Variants in HNRNPDL observed in about 807,000 individuals in gnomAD.
The protein encoded by HNRNPDL is heterogeneous nuclear ribonucleoprotein D-like.
HNRNPDL carries 18 observed loss-of-function variants against 48.0 expected under a neutral mutation model. That is an observed-to-expected ratio of 0.38 (90% CI 0.26 to 0.56). The LOEUF (loss-of-function observed/expected upper bound fraction) is 0.56, where lower values mean the gene tolerates loss of function less well. Ranked by LOEUF, HNRNPDL falls within the 20% of genes least tolerant of loss-of-function variation. HNRNPDL has a pLI of 0.77. For missense variants in HNRNPDL, 553 were observed against 540.7 expected, an observed-to-expected ratio of 1.02 and a Z score of -0.23; for synonymous variants, 306 against 207.3, an observed-to-expected ratio of 1.48 and a Z score of -4.09.
chr4:82,426,193 A>G lies in HNRNPDL; in HGVS notation c.1193-64T>C, dbSNP rs1026859511. The G allele has an allele frequency of 3.2e-5, 44 of 1,354,618 alleles. 1 individual carries two copies. In the African/African-American group the frequency reaches 6.0e-4, roughly 19 times the overall value. 83.9% of individuals were successfully genotyped at this position (1,354,618 alleles called of 1,614,324 possible). A position where few individuals can be genotyped will look rare whatever the true frequency, so the allele number is the denominator to read the frequency against. ...CTACAAAACTTTCTTTACAAACACA[A>G]ACTATTAAATCTACAAATCTTTGCA... On this transcript the variant is annotated intron_variant, in intron 6 of 7. Coordinates refer to ENST00000295470, the MANE Select transcript of HNRNPDL (RefSeq NM_031372.4).
At position 82,429,904 on chromosome 4, in the gene HNRNPDL, T is replaced by A; in HGVS notation, c.-214A>T. The A allele has an allele frequency of 2.7e-6, 1 of 376,986 alleles. No homozygotes were observed. Among genetic ancestry groups the A allele is most frequent in the Non-Finnish European group, 4.7e-6 (1 of 213,120 alleles). The allele number at this position is 376,986 out of a possible 1,614,324, so 23.4% of individuals were successfully genotyped here. On this transcript the variant is annotated 5_prime_UTR_variant, in exon 1 of 8. In the 5' UTR this introduces an upstream ATG that the reference lacks. Coordinates refer to ENST00000295470, the MANE Select transcript of HNRNPDL (RefSeq NM_031372.4). ...CTACCAAAAAGCCGTCAACCCCGCC[T>A]TTTTCTGCCCTCGGTTCGCCAGTGC...
Position 82,423,737 on chromosome 4 carries a change from ATTC to A in HNRNPDL, c.*1166_*1168del, listed in dbSNP as rs1240635119. ...CCTCTGAAACCTGGATATAAAACGGATTCTTTTCAATGCACCCAGAGGGTCCAC... is the reference window on the plus strand; with the variant it reads ...CCTCTGAAACCTGGATATAAAACGGATTTTCAATGCACCCAGAGGGTCCAC... On this transcript the variant is annotated 3_prime_UTR_variant, in exon 8 of 8. Transcript: ENST00000295470. The A allele has an allele frequency of 1.3e-5, 2 of 152,192 alleles. No individual in the cohort carries two copies. Among genetic ancestry groups the A allele is most frequent in the Non-Finnish European group, 2.9e-5 (2 of 68,032 alleles). 9.4% of individuals were successfully genotyped at this position (152,192 alleles called of 1,614,324 possible). A position where few individuals can be genotyped will look rare whatever the true frequency, so the allele number is the denominator to read the frequency against.
chr4:82,429,310 G>C lies in HNRNPDL; in HGVS notation c.381C>G (p.Ser127Arg). The change falls in exon 1 of 8, where the codon AGC becomes AGG. Residue 127 changes from serine (S) to arginine (R), a missense_variant. Around this residue, in one of 4 missense-constraint regions of HNRNPDL, gnomAD observed 327 missense variants for 203.2 expected, o/e 1.61. Transcript: ENST00000295470. ...ATCCCTCTGCGAATTCCTCTATATT[G>C]CTGTACTCGTTCATATCCTCCATAG... ...SVTMEDMNEY[S>R]NIEEFAEGSK... is the part of the protein sequence containing the mutation. 1 of 1,613,890 alleles carries C rather than the reference G, an allele frequency of 6.2e-7. No individual in the cohort carries two copies. The highest frequency in any genetic ancestry group is 1.3e-5 in the African/African-American group (1 of 75,040).
rs1578086319 is a variant in HNRNPDL at position 82,429,345 on chromosome 4, T to C, written c.346A>G (p.Ser116Gly). 8 of 1,613,824 alleles carry C rather than the reference T, an allele frequency of 5.0e-6. No homozygotes were observed. Among genetic ancestry groups the C allele is most frequent in the South Asian group, 1.1e-5 (1 of 91,084 alleles). ...RTARQHPPAD[S>G]SVTMEDMNEY... ...TTCATATCCTCCATAGTGACGGAGC[T>C]GTCGGCAGGGGGGTGCTGGCGCGCA... Residue 116 changes from serine to glycine, a missense_variant, in exon 1 of 8, where the codon AGC (serine) becomes GGC (glycine). Ser to Gly is a moderately conservative substitution (Grantham distance 56, BLOSUM62 0). Around this residue, in one of 4 missense-constraint regions of HNRNPDL, gnomAD observed 327 missense variants for 203.2 expected, o/e 1.61. Coordinates refer to ENST00000295470, the MANE Select transcript of HNRNPDL (RefSeq NM_031372.4).
In HNRNPDL at chr4:82,427,426, G is replaced by A. The variant is rs1415329857; in HGVS notation, c.906+7C>T. 6.3e-7 allele frequency: 1 copy of A among 1,587,114 alleles called. No individual in the cohort carries two copies. The highest frequency in any genetic ancestry group is 1.4e-5 in the African/African-American group (1 of 73,316). On this transcript the variant is annotated splice_region_variant and intron_variant, in intron 4 of 7. Coordinates refer to ENST00000295470, the MANE Select transcript of HNRNPDL (RefSeq NM_031372.4). ...AATTTTCATTTAAAGTGCTTAAATGGCTTTACCTTCCCAGAACCAATTTGA... is the reference window on the plus strand; with the variant it reads ...AATTTTCATTTAAAGTGCTTAAATGACTTTACCTTCCCAGAACCAATTTGA...
Position 82,426,647 on chromosome 4 carries a change from CAAT to C in HNRNPDL, c.1022-17_1022-15del, listed in dbSNP as rs1474470342. 5.0e-6 allele frequency: 8 copies of C among 1,610,818 alleles called. 1 individual carries two copies. In the South Asian group the frequency reaches 8.8e-5, roughly 18 times the overall value. ...TTTGGCCCTGACCTGAAACAATGCA[CAAT>C]GATTGTTAGGAAACAACTTCTGACC... On this transcript the variant is annotated splice_polypyrimidine_tract_variant and intron_variant, in intron 5 of 7. Transcript: ENST00000295470.
At chr4:82,425,969 T>G in intron 7 of HNRNPDL, 68 bp downstream of exon 7, 2 of 1,074,846 alleles carry the variant, frequency 1.9e-6, no homozygotes, top group South Asian at 1.3e-5. Context: ...GTTTTTACGT[T>G]TCATTTGTCT....
Position 82,422,984 on chromosome 4 carries a change from T to TA in HNRNPDL, c.*1921dup, listed in dbSNP as rs1299551078. On this transcript the variant is annotated 3_prime_UTR_variant, in exon 8 of 8. Coordinates refer to ENST00000295470, the MANE Select transcript of HNRNPDL (RefSeq NM_031372.4). Reference sequence around the variant, plus strand: ...TTCAGTTCATCCAACCTAGGACACTTAGCCTTAGAGTATCTGTTCAAATTT... The same window carrying TA: ...TTCAGTTCATCCAACCTAGGACACTTAAGCCTTAGAGTATCTGTTCAAATTT... 6.6e-6 allele frequency: 1 copy of TA among 152,218 alleles called. No homozygotes were observed. Among genetic ancestry groups the TA allele is most frequent in the Non-Finnish European group, 1.5e-5 (1 of 68,040 alleles). The allele number at this position is 152,218 out of a possible 1,614,324, so 9.4% of individuals were successfully genotyped here. A position where few individuals can be genotyped will look rare whatever the true frequency, so the allele number is the denominator to read the frequency against.
rs373443496 is a variant in HNRNPDL, at chr4:82,427,421, A to G, written c.906+12T>C. The G allele has an allele frequency of 1.6e-5, 26 of 1,581,106 alleles. No individual in the cohort carries two copies. In the African/African-American group the frequency reaches 3.1e-4, roughly 19 times the overall value. On this transcript the variant is annotated intron_variant, in intron 4 of 7. Coordinates refer to ENST00000295470, the MANE Select transcript of HNRNPDL (RefSeq NM_031372.4). ...ATTTAAATTTTCATTTAAAGTGCTT[A>G]AATGGCTTTACCTTCCCAGAACCAA...
chr4:82,427,909 A>G, intron 3 of HNRNPDL, 109 bp downstream of exon 3: 1 of 1,102,252 alleles, frequency 9.1e-7, no homozygotes, highest in Admixed American at 2.4e-5. Flanking sequence ...TTGAGCAGTC[A>G]TTTAATTCTA....
chr4:82,426,593 A>G lies in HNRNPDL; in HGVS notation c.1062T>C (p.Tyr354=), dbSNP rs1272235287. 1.9e-6 allele frequency: 3 copies of G among 1,613,742 alleles called. No individual in the cohort carries two copies. The highest frequency in any genetic ancestry group is 3.3e-5 in the Admixed American group (2 of 59,996). ...TATTGTAATTTCCATATCCTTGATC[A>G]TAATAGTTATTAAATCCTTGGTTCC... ...QNWNQGFNNY[Y]DQGYGNYNSA... Residue 354 remains tyrosine, a synonymous_variant, in exon 6 of 8, where the codon TAT becomes TAC. Transcript: ENST00000295470.
chr4:82,427,933 C>T, intron 3 of HNRNPDL, 85 bp downstream of exon 3: 1 of 1,300,942 alleles, frequency 7.7e-7, no homozygotes, highest in Admixed American at 2.1e-5. Context: ...TTACAGGAAA[C>T]ATGAATCTGC....
Position 82,429,517 on chromosome 4 carries a change from C to T in HNRNPDL, c.174G>A (p.Gln58=). ...SSARQGARRA[Q]RHVTAQQPSR... ...AGGGCTGCTGGGCGGTGACGTGGCG[C>T]TGGGCCCGGCGCGCCCCCTGCCGGG... Residue 58 remains glutamine, a synonymous_variant, in exon 1 of 8, where the codon CAG becomes CAA. Transcript: ENST00000295470. 6.6e-7 allele frequency: 1 copy of T among 1,505,044 alleles called. No homozygotes were observed. Among genetic ancestry groups the T allele is most frequent in the Non-Finnish European group, 8.9e-7 (1 of 1,128,242 alleles). The allele number at this position is 1,505,044 out of a possible 1,614,324, so 93.2% of individuals were successfully genotyped here.
chr4:82,429,412 GC>G lies in HNRNPDL; in HGVS notation c.278del (p.Ser93ThrfsTer31). ...CAGCGGCGGCGGAGCGTTGTATGGA[GC>G]TGGATTTAAAATGGCGGCGGAAGAG... ...PDLFRRHFKS[S>X]SIQRSAAAAA... On this transcript the variant is annotated frameshift_variant, in exon 1 of 8. Transcript: ENST00000295470. LOFTEE classifies it high-confidence loss of function. The G allele has an allele frequency of 6.2e-7, 1 of 1,613,258 alleles. No individual in the cohort carries two copies. The highest frequency in any genetic ancestry group is 8.5e-7 in the Non-Finnish European group (1 of 1,179,734).
chr4:82,425,998 T>G, intron 7 of HNRNPDL, 39 bp downstream of exon 7: 1 of 1,242,318 alleles, frequency 8.0e-7, no homozygotes, highest in Non-Finnish European at 1.2e-6. Flanking sequence ...TTAAATTAAA[T>G]TAGACATTTC....
chr4:82,429,737 G>T lies in HNRNPDL; in HGVS notation c.-47C>A. 1 of 1,293,784 alleles carries T rather than the reference G, an allele frequency of 7.7e-7. No individual in the cohort carries two copies. Among genetic ancestry groups the T allele is most frequent in the Non-Finnish European group, 9.9e-7 (1 of 1,012,392 alleles). The allele number at this position is 1,293,784 out of a possible 1,614,324, so 80.1% of individuals were successfully genotyped here. A position where few individuals can be genotyped will look rare whatever the true frequency, so the allele number is the denominator to read the frequency against. ...AGAGGCCACGCGTGAGGGGACGCGG[G>T]CTTGGGAGAAGAGAAGAATCAGAAG... On this transcript the variant is annotated 5_prime_UTR_variant, in exon 1 of 8. Coordinates refer to ENST00000295470, the MANE Select transcript of HNRNPDL (RefSeq NM_031372.4).
intron 1 of HNRNPDL, 44 bp downstream of exon 1, chr4:82,429,204 C>G: frequency 6.4e-7 from 1 of 1,572,702 alleles, no homozygotes. Context: ...AGGGCGCGTG[C>G]GGCGCGCTGG....
Position 82,429,419 on chromosome 4 carries a change from T to TA in HNRNPDL, c.271_272insT (p.Lys91IlefsTer57). On this transcript the variant is annotated frameshift_variant, in exon 1 of 8. Transcript: ENST00000295470. LOFTEE classifies it high-confidence loss of function. ...GGCGGAGCGTTGTATGGAGCTGGAT[T>TA]TAAAATGGCGGCGGAAGAGATCCGG... The TA allele has an allele frequency of 6.2e-7, 1 of 1,612,762 alleles. No individual in the cohort carries two copies. Among genetic ancestry groups the TA allele is most frequent in the Non-Finnish European group, 8.5e-7 (1 of 1,179,542 alleles).
intron 1 of HNRNPDL, among the ~76,000 whole-genome samples, chr4:82,428,824 AAC>A (rs1721535984): frequency 6.6e-6 from 1 of 152,220 alleles, no homozygotes; most frequent in Non-Finnish European, 1.5e-5. Flanking sequence ...CATCAATCAT[AAC>A]ACGTTTTGTG....
Sources: allele counts gnomAD v4.1 joint callset (sites outside exome capture counted in the v4.1 genomes callset), GRCh38; gene constraint gnomAD v4.1.1; regional missense constraint gnomAD v4.1.1; transcripts MANE v1.5; gene names NCBI Gene and HGNC (gene_info 2026-07-23, HGNC 2026-07-21).